Variants in SGK1 observed in about 807,000 individuals in gnomAD.
The protein encoded by SGK1 is serine/threonine-protein kinase Sgk1.
Under a neutral mutation model 64.2 loss-of-function variants are expected in SGK1, and 26 were observed. That is an observed-to-expected ratio of 0.40 (90% CI 0.30 to 0.56). The LOEUF (loss-of-function observed/expected upper bound fraction) is 0.56, where lower values mean the gene tolerates loss of function less well. Among genes scored for constraint, SGK1 ranks in the 20% least tolerant of loss-of-function variants. SGK1 has a pLI of 0.38. For missense variants in SGK1, 519 were observed against 645.6 expected (o/e 0.80, Z 2.12); for synonymous variants, 265 against 239.7 (o/e 1.11, Z -0.98).
At position 134,237,090 on chromosome 6, in the gene SGK1, C is replaced by T. The variant is rs542768417; in HGVS notation, c.285+24843G>A. 1.9e-3 allele frequency among the ~76,000 whole-genome samples: 273 copies of T among 144,118 alleles called. 1 individual carries two copies. The highest frequency in any genetic ancestry group is 6.5e-3 in the African/African-American group (262 of 40,090). 94.5% of individuals were successfully genotyped at this position (144,118 alleles called of 152,430 possible). On this transcript the variant is annotated intron_variant, in intron 2 of 13. Coordinates refer to ENST00000367858, the MANE Select transcript of SGK1 (RefSeq NM_001143676.3). ...TTTTTTTTGAGATGGGGTCTCACTC[C>T]GTCACCCAGTTTGGAATGCAGTGGC...
At chr6:134,230,997 G>T (rs1055922703) in intron 2 of SGK1, among the ~76,000 whole-genome samples, 1 of 152,182 alleles carries the variant, frequency 6.6e-6, no homozygotes, top group Non-Finnish European at 1.5e-5. Flanking sequence ...CTGGGGAACA[G>T]AGAAAGACGC....
intron 3 of SGK1, among the ~76,000 whole-genome samples, chr6:134,176,912 A>G (rs560368168): frequency 2.0e-5 from 3 of 152,258 alleles, no homozygotes; most frequent in African/African-American, 7.2e-5. Context: ...CAGTGCCCAC[A>G]CTTATAAAAA....
At chr6:134,214,939 A>T (rs1005743661) in intron 2 of SGK1, 15 of 394,472 alleles carry the variant, frequency 3.8e-5, no homozygotes, top group Admixed American at 2.5e-4. Flanking sequence ...TGGAAGAAAG[A>T]TCATATTTAG....
chr6:134,302,856 G>A (rs1279157097), intron 1 of SGK1, among the ~76,000 whole-genome samples: 1 of 151,952 alleles, frequency 6.6e-6, no homozygotes, highest in East Asian at 1.9e-4. Context: ...CCGGGTTCAA[G>A]CAATTCTCCT....
At chr6:134,188,798 T>C (rs1356426564) in intron 3 of SGK1, among the ~76,000 whole-genome samples, 2 of 151,930 alleles carry the variant, frequency 1.3e-5, no homozygotes, top group Admixed American at 6.6e-5. Context: ...AGTGGTGTGA[T>C]CATGGCTCAC....
chr6:134,184,622 T>C (rs745583583), intron 3 of SGK1, among the ~76,000 whole-genome samples: 1 of 152,164 alleles, frequency 6.6e-6, no homozygotes, highest in Non-Finnish European at 1.5e-5. Context: ...TTTTATTATG[T>C]GACTTTTTCT....
chr6:134,246,680 C>T (rs1776529919), intron 2 of SGK1, among the ~76,000 whole-genome samples: 1 of 151,494 alleles, frequency 6.6e-6, no homozygotes, highest in Admixed American at 6.6e-5. Flanking sequence ...GCAAACTCCA[C>T]CTACCGGGTT....
At chr6:134,273,509 C>T (rs1776972157) in intron 1 of SGK1, among the ~76,000 whole-genome samples, 1 of 136,306 alleles carries the variant, frequency 7.3e-6, no homozygotes. Context: ...AGGAGAATGG[C>T]GTGAACCCGG....
intron 2 of SGK1, among the ~76,000 whole-genome samples, chr6:134,228,709 G>A (rs1345684366): frequency 6.6e-6 from 1 of 152,188 alleles, no homozygotes; most frequent in African/African-American, 2.4e-5. Flanking sequence ...CGCAAAGGCA[G>A]AAGTGGATCC....
chr6:134,283,317 C>A (rs1341823863), intron 1 of SGK1: 1 of 151,780 alleles, frequency 6.6e-6, no homozygotes, highest in African/African-American at 2.4e-5. Flanking sequence ...ATGGTGAAAC[C>A]CCGTCTCTAC....
chr6:134,256,716 C>G (rs1368679005), intron 2 of SGK1, among the ~76,000 whole-genome samples: 1 of 152,174 alleles, frequency 6.6e-6, no homozygotes, highest in African/African-American at 2.4e-5. Flanking sequence ...ACAGCTTACA[C>G]AGCTCTAAGT....
At chr6:134,313,771 GT>G (rs1020035466) in intron 1 of SGK1, among the ~76,000 whole-genome samples, 1 of 152,100 alleles carries the variant, frequency 6.6e-6, no homozygotes, top group African/African-American at 2.4e-5. Context: ...GGCTATGGAA[GT>G]TTTTTTCACA....
intron 3 of SGK1, among the ~76,000 whole-genome samples, chr6:134,188,201 G>A (rs1775453065): frequency 6.6e-6 from 1 of 152,092 alleles, no homozygotes; most frequent in Non-Finnish European, 1.5e-5. Context: ...GAATTCATGT[G>A]GACACAAATA....
At chr6:134,255,123 C>T (rs905225721) in intron 2 of SGK1, among the ~76,000 whole-genome samples, 3 of 152,188 alleles carry the variant, frequency 2.0e-5, no homozygotes, top group African/African-American at 7.2e-5. Flanking sequence ...CCTGCCTCGG[C>T]CTCCCAAAGT....
chr6:134,243,324 A>G (rs1582737874), intron 2 of SGK1, among the ~76,000 whole-genome samples: 2 of 152,198 alleles, frequency 1.3e-5, no homozygotes, highest in East Asian at 3.9e-4. Context: ...AAACATTTTC[A>G]TTGTAAATTC....
At chr6:134,176,531 G>A (rs1214532053) in intron 3 of SGK1, among the ~76,000 whole-genome samples, 6 of 152,198 alleles carry the variant, frequency 3.9e-5, no homozygotes, top group African/African-American at 1.2e-4. Flanking sequence ...GGGAAGCCGC[G>A]AGCACGGCGA....
At position 134,284,896 on chromosome 6, in the gene SGK1, C is replaced by T. The variant is rs557544949; in HGVS notation, c.70-22748G>A. ...TCTTTGTTATGGCTGAGTAGTATTC[C>T]TTGGTGTGTATATATCACATTTTTT... On this transcript the variant is annotated intron_variant, in intron 1 of 13. Transcript: ENST00000367858. Among the ~76,000 whole-genome samples, 27 of 152,228 alleles carry T rather than the reference C, an allele frequency of 1.8e-4. No homozygotes were observed. In the South Asian group the frequency reaches 2.1e-3, roughly 12 times the overall value.
At chr6:134,239,232 T>G (rs1008772550) in intron 2 of SGK1, among the ~76,000 whole-genome samples, 15 of 152,148 alleles carry the variant, frequency 9.9e-5, no homozygotes, top group African/African-American at 3.6e-4. Context: ...AGAACCTCAT[T>G]GTGCTGCTAT....
At chr6:134,297,829 C>T in intron 1 of SGK1, 1 of 700,848 alleles carries the variant, frequency 1.4e-6, no homozygotes, top group Non-Finnish European at 2.6e-6. Flanking sequence ...TGCTGCAGGT[C>T]ATCCCCGTGC....
Sources: allele counts gnomAD v4.1 joint callset (sites outside exome capture counted in the v4.1 genomes callset), GRCh38; gene constraint gnomAD v4.1.1; transcripts MANE v1.5; gene names NCBI Gene and HGNC (gene_info 2026-07-23, HGNC 2026-07-21).